TJP2: variants seen among roughly 807,000 people sequenced by gnomAD.
The protein encoded by TJP2 is Friedreich ataxia region gene X104 (tight junction protein ZO-2).
In TJP2, 91 loss-of-function variants were observed where a neutral mutation model predicts 133.1. The observed-to-expected ratio is 0.68, with a 90% confidence interval of 0.58 to 0.81. TJP2 has a LOEUF of 0.81. TJP2 is among the 40% of genes least tolerant of loss of function. The pLI is 0.00. For missense variants in TJP2, 1,541 were observed against 1,565.6 expected, an observed-to-expected ratio of 0.98 and a Z score of 0.26; for synonymous variants, 592 against 583.4, an observed-to-expected ratio of 1.01 and a Z score of -0.21.
At chr9:69,231,456 G>T (rs1331800825) in intron 11 of TJP2, among the ~76,000 whole-genome samples, 1 of 138,146 alleles carries the variant, frequency 7.2e-6, no homozygotes, top group Non-Finnish European at 1.6e-5. Context: ...TCATATATAT[G>T]AGGTTTTTTT....
intron 1 of TJP2, among the ~76,000 whole-genome samples, chr9:69,184,563 C>G (rs542842989): frequency 5.9e-5 from 9 of 152,284 alleles, no homozygotes; most frequent in African/African-American, 2.2e-4. Flanking sequence ...TGGTAGAACC[C>G]TGTTGGCAAG....
At chr9:69,253,772 AAGTCT>A (rs1831511358) in intron 22 of TJP2, 1 of 291,598 alleles carries the variant, frequency 3.4e-6, no homozygotes, top group Non-Finnish European at 6.7e-6. Flanking sequence ...CTGGAAGCTG[AAGTCT>A]AGTTTTCCAG....
At position 69,220,965 on chromosome 9, in the gene TJP2, G is replaced by C. The variant is rs1304467489; in HGVS notation, c.421G>C (p.Glu141Gln). 6.2e-7 allele frequency: 1 copy of C among 1,612,800 alleles called. No individual in the cohort carries two copies. Among genetic ancestry groups the C allele is most frequent in the African/African-American group, 1.3e-5 (1 of 74,920 alleles). The change falls in exon 5 of 23, where the codon GAG becomes CAG. Residue 141 changes from glutamate to glutamine, a missense_variant. Physicochemically the swap from Glu to Gln is conservative, Grantham distance 29 (BLOSUM62 2). Transcript: ENST00000377245. ...PPLDQDDRAF[E>Q]VMDEFDGRSF... ...CCTGGATCAGGATGACCGGGCTTTTGAGGTGATGGACGAGTTTGATGGCAG... is the reference window on the plus strand; with the variant it reads ...CCTGGATCAGGATGACCGGGCTTTTCAGGTGATGGACGAGTTTGATGGCAG...
At chr9:69,207,408 G>A (rs1005900543) in intron 1 of TJP2, among the ~76,000 whole-genome samples, 1 of 152,176 alleles carries the variant, frequency 6.6e-6, no homozygotes, top group African/African-American at 2.4e-5. Context: ...CTTCATTGCA[G>A]TAAAACATTG....
intron 1 of TJP2, chr9:69,145,759 T>C (rs1443367360): frequency 8.1e-6 from 10 of 1,231,898 alleles, no homozygotes; most frequent in Non-Finnish European, 1.0e-5. Flanking sequence ...ATTACCCCAC[T>C]TAACAAAAGA....
At chr9:69,151,156 G>T (rs1358467256) in intron 1 of TJP2, among the ~76,000 whole-genome samples, 6 of 152,134 alleles carry the variant, frequency 3.9e-5, no homozygotes, top group Non-Finnish European at 8.8e-5. Context: ...TGGTTATGGG[G>T]CTTTTCTTGT....
In TJP2 at chr9:69,205,013, A is replaced by G. The variant is rs567552781; in HGVS notation, c.61-7535A>G. 97 of 1,391,320 alleles carry G rather than the reference A, an allele frequency of 7.0e-5. 1 individual carries two copies. The East Asian group carries it at 1.4e-3, about 20-fold the overall frequency. The allele number at this position is 1,391,320 out of a possible 1,614,324, so 86.2% of individuals were successfully genotyped here. A position where few individuals can be genotyped will look rare whatever the true frequency, so the allele number is the denominator to read the frequency against. On this transcript the variant is annotated intron_variant, in intron 1 of 22. Transcript: ENST00000377245. ...TCAAAGCGTTTGGCATCCCTGCCATATGGATGTGTCACTGTGTGAGATGAC... is the reference window on the plus strand; with the variant it reads ...TCAAAGCGTTTGGCATCCCTGCCATGTGGATGTGTCACTGTGTGAGATGAC...
In TJP2 at chr9:69,248,230, G is replaced by A. The variant is rs372853886; in HGVS notation, c.2880+6G>A. Reference sequence around the variant, plus strand: ...AGCCGGTGCAGCACGAGGAGGTGAGGCGAGGCAGGCCACGGGCAGGAACAG... The same window carrying A: ...AGCCGGTGCAGCACGAGGAGGTGAGACGAGGCAGGCCACGGGCAGGAACAG... On this transcript the variant is annotated splice_donor_region_variant and intron_variant, in intron 19 of 22. Transcript: ENST00000377245. 4.4e-6 allele frequency: 7 copies of A among 1,586,344 alleles called. No homozygotes were observed. Among genetic ancestry groups the A allele is most frequent in the African/African-American group, 1.3e-5 (1 of 74,278 alleles).
chr9:69,183,501 G>A (rs1014773128), intron 1 of TJP2, among the ~76,000 whole-genome samples: 2 of 152,134 alleles, frequency 1.3e-5, no homozygotes, highest in African/African-American at 4.8e-5. Context: ...TATTTGTTGC[G>A]TGAGATTCAG....
intron 1 of TJP2, among the ~76,000 whole-genome samples, chr9:69,195,174 T>TG (rs1243794672): frequency 6.6e-6 from 1 of 152,206 alleles, no homozygotes; most frequent in African/African-American, 2.4e-5. Flanking sequence ...GTGCCTATTA[T>TG]GGGGGTGGTG....
At chr9:69,170,863 C>T (rs976867376), upstream of TJP2, among the ~76,000 whole-genome samples, 1 of 152,178 alleles carries the variant, frequency 6.6e-6, no homozygotes, top group African/African-American at 2.4e-5. Flanking sequence ...CCTCTCTTGG[C>T]TTAATCTACA....
intron 22 of TJP2, chr9:69,253,308 C>G (rs985700835): frequency 1.4e-5 from 3 of 220,848 alleles, no homozygotes; most frequent in African/African-American, 6.9e-5. Context: ...GCCCTGGGGT[C>G]TAAAGGGACC....
intron 11 of TJP2, 40 bp from the exon 12 acceptor site, chr9:69,234,382 CTTTCTTTCTTTCTTTCT>C (rs1830010345): frequency 7.9e-7 from 1 of 1,271,592 alleles, no homozygotes; most frequent in South Asian, 1.3e-5. Context: ...TTCTTTCTTT[CTTTCTTTCTTTCTTTCT>C]TTTTTTTTTT....
In TJP2 at chr9:69,236,316, G is replaced by A. The variant is rs566239880; in HGVS notation, c.1991+78G>A. The A allele has an allele frequency of 3.5e-5, 51 of 1,439,988 alleles. No homozygotes were observed. The East Asian group carries it at 9.4e-4, about 27-fold the overall frequency. 89.2% of individuals were successfully genotyped at this position (1,439,988 alleles called of 1,614,324 possible). Reference sequence around the variant, plus strand: ...AACTAGAGACCGCCCCCCTTCCCCCGTAAAAGGAAACCCCACATGATGAGT... The same window carrying A: ...AACTAGAGACCGCCCCCCTTCCCCCATAAAAGGAAACCCCACATGATGAGT... On this transcript the variant is annotated intron_variant, in intron 13 of 22. Coordinates refer to ENST00000377245, the MANE Select transcript of TJP2 (RefSeq NM_004817.4).
chr9:69,137,767 G>C (rs556568881), intron 1 of TJP2, among the ~76,000 whole-genome samples: 45 of 152,032 alleles, frequency 3.0e-4, no homozygotes, highest in Non-Finnish European at 5.1e-4. Context: ...CAGATCTCCT[G>C]GTCACAGCTC....
chr9:69,192,191 T>C (rs1564420923), intron 1 of TJP2, among the ~76,000 whole-genome samples: 1 of 151,940 alleles, frequency 6.6e-6, no homozygotes, highest in Non-Finnish European at 1.5e-5. Context: ...CACATGCCTG[T>C]AATTCCAGCT....
At chr9:69,194,169 A>T (rs1826393064) in intron 1 of TJP2, among the ~76,000 whole-genome samples, 1 of 151,692 alleles carries the variant, frequency 6.6e-6, no homozygotes, top group Admixed American at 6.6e-5. Flanking sequence ...CTGCGCTCCC[A>T]CAGCCTTTTT....
Position 69,230,072 on chromosome 9 carries a change from C to A in TJP2, c.1521-10C>A. ...CCCATCTTTCCTTTCTGAAACGGAACCTATTGCAGCCCTAATACCAAAATG... is the reference window on the plus strand; with the variant it reads ...CCCATCTTTCCTTTCTGAAACGGAAACTATTGCAGCCCTAATACCAAAATG... On this transcript the variant is annotated splice_polypyrimidine_tract_variant and intron_variant, in intron 10 of 22. Coordinates refer to ENST00000377245, the MANE Select transcript of TJP2 (RefSeq NM_004817.4). The A allele has an allele frequency of 1.2e-6, 2 of 1,614,076 alleles. No homozygotes were observed. Among genetic ancestry groups the A allele is most frequent in the Non-Finnish European group, 1.7e-6 (2 of 1,179,966 alleles).
At chr9:69,154,399 C>T (rs1233227172) in intron 2 of TJP2, among the ~76,000 whole-genome samples, 1 of 152,186 alleles carries the variant, frequency 6.6e-6, no homozygotes, top group Non-Finnish European at 1.5e-5. Flanking sequence ...AGCCTCTACT[C>T]ATTCTGCTCT....
Sources: allele counts gnomAD v4.1 joint callset (sites outside exome capture counted in the v4.1 genomes callset), GRCh38; gene constraint gnomAD v4.1.1; transcripts MANE v1.5; gene names NCBI Gene and HGNC (gene_info 2026-07-23, HGNC 2026-07-21).